PLD5: variants seen among roughly 807,000 people sequenced by gnomAD.
The protein encoded by PLD5 is inactive phospholipase D5.
In PLD5, 36 loss-of-function variants were observed where a neutral mutation model predicts 61.1. The observed-to-expected ratio is 0.59, with a 90% CI of 0.45 to 0.78. The LOEUF is 0.78. PLD5 is among the 30% of genes least tolerant of loss of function. The pLI is 0.00. For synonymous variants in PLD5, 243 were observed against 242.8 expected (o/e 1.00, Z -0.01); for missense variants, 515 against 644.4 (o/e 0.80, Z 2.17).
In PLD5 at chr1:242,524,156, A is replaced by G. The variant is rs889134698; in HGVS notation, c.121T>C (p.Tyr41His). ...TAGTCCTGCTGCTTGACGCTGCTGT[A>G]GAAGTTCGCGCCCACTCGGGTCAGG... is the stretch of plus-strand genomic sequence containing the variant. Reference protein sequence around the residue: ...PSLTRVGANFYSSVKQQDYSA... With the variant: ...PSLTRVGANFHSSVKQQDYSA... The change falls in exon 1 of 10, where the codon TAC (tyrosine) becomes CAC (histidine). Residue 41 changes from tyrosine to histidine, a missense_variant. Tyr to His is a moderately conservative substitution (Grantham distance 83, BLOSUM62 2). This residue lies in a region of PLD5 where 450 missense variants were observed against 598.1 expected (regional missense o/e 0.75). Transcript: ENST00000536534. 8 of 1,535,430 alleles carry G rather than the reference A, an allele frequency of 5.2e-6. No individual in the cohort carries two copies. The Admixed American group carries it at 1.6e-4, about 30-fold the overall frequency.
intron 1 of PLD5, among the ~76,000 whole-genome samples, chr1:242,366,632 T>G (rs997436696): frequency 9.9e-5 from 15 of 152,204 alleles, no homozygotes; most frequent in African/African-American, 3.6e-4. Context: ...TAATTGGTAA[T>G]TTATTGCCAT....
intron 4 of PLD5, among the ~76,000 whole-genome samples, chr1:242,224,547 C>T (rs4658772): frequency 6.6e-6 from 1 of 151,738 alleles, no homozygotes; most frequent in South Asian, 2.1e-4. Context: ...TTTATGAGAG[C>T]CGCTCGTCAA....
chr1:242,104,015 A>C (rs1660866169), intron 8 of PLD5, among the ~76,000 whole-genome samples: 1 of 152,242 alleles, frequency 6.6e-6, no homozygotes. Flanking sequence ...AAAATATCTT[A>C]ATGGCATGAA....
At chr1:242,414,713 C>T (rs7529276) in intron 1 of PLD5, among the ~76,000 whole-genome samples, 61,672 of 151,918 alleles carry the variant, frequency 0.41, 13,148 homozygotes, top group African/African-American at 0.54. Flanking sequence ...CACTTTATAA[C>T]GTGGGAGAAT....
intron 5 of PLD5, among the ~76,000 whole-genome samples, chr1:242,161,994 C>T (rs1665874187): frequency 6.6e-6 from 1 of 152,108 alleles, no homozygotes; most frequent in Admixed American, 6.5e-5. Flanking sequence ...ACACTGTAAT[C>T]CTCTGCATGT....
At chr1:242,328,337 C>T (rs769584808) in intron 2 of PLD5, among the ~76,000 whole-genome samples, 22 of 151,416 alleles carry the variant, frequency 1.5e-4, no homozygotes, top group South Asian at 4.2e-4. Flanking sequence ...GTTTTACATA[C>T]GTGTGTTCTA....
chr1:242,322,674 T>C (rs144211718), intron 2 of PLD5, among the ~76,000 whole-genome samples: 46 of 152,314 alleles, frequency 3.0e-4, no homozygotes, highest in African/African-American at 1.1e-3. Flanking sequence ...TCACAAGATC[T>C]GATAGTTTAA....
intron 1 of PLD5, among the ~76,000 whole-genome samples, chr1:242,426,630 A>G (rs889252815): frequency 2.0e-5 from 3 of 152,204 alleles, no homozygotes; most frequent in Non-Finnish European, 4.4e-5. Flanking sequence ...TGACCCAAAC[A>G]TTGTTATGTG....
intron 1 of PLD5, among the ~76,000 whole-genome samples, chr1:242,480,879 G>A (rs1667749476): frequency 6.6e-6 from 1 of 152,114 alleles, no homozygotes; most frequent in African/African-American, 2.4e-5. Context: ...GCAGAAAATA[G>A]AACTCTTCTC....
At chr1:242,137,373 T>G (rs1663818375) in intron 5 of PLD5, among the ~76,000 whole-genome samples, 1 of 152,178 alleles carries the variant, frequency 6.6e-6, no homozygotes, top group South Asian at 2.1e-4. Flanking sequence ...TCCTACTTTC[T>G]CTAATAAATC....
At chr1:242,127,454 GT>G (rs2148744359) in intron 5 of PLD5, among the ~76,000 whole-genome samples, 1 of 152,274 alleles carries the variant, frequency 6.6e-6, no homozygotes, top group South Asian at 2.1e-4. Context: ...ATATGCATAT[GT>G]TGGAATACTA....
chr1:242,257,202 C>T (rs536080900), intron 4 of PLD5, among the ~76,000 whole-genome samples: 1 of 152,236 alleles, frequency 6.6e-6, no homozygotes, highest in South Asian at 2.1e-4. Context: ...ATTCTTGACA[C>T]ATGAATGCTC....
intron 5 of PLD5, among the ~76,000 whole-genome samples, chr1:242,218,995 T>C (rs758285146): frequency 6.6e-6 from 1 of 152,192 alleles, no homozygotes; most frequent in Admixed American, 6.5e-5. Flanking sequence ...TTACCATAAA[T>C]GTAAGGTAAT....
At chr1:242,520,244 G>C (rs910532940) in intron 1 of PLD5, among the ~76,000 whole-genome samples, 1 of 152,140 alleles carries the variant, frequency 6.6e-6, no homozygotes, top group African/African-American at 2.4e-5. Flanking sequence ...TATCAGAATG[G>C]AGCTTCCATT....
chr1:242,114,653 G>T (rs1402971222), intron 6 of PLD5, among the ~76,000 whole-genome samples: 1 of 152,162 alleles, frequency 6.6e-6, no homozygotes, highest in African/African-American at 2.4e-5. Flanking sequence ...ACGAGTGGGG[G>T]CATTAGATTC....
intron 1 of PLD5, among the ~76,000 whole-genome samples, chr1:242,470,574 T>C (rs779443862): frequency 6.6e-6 from 1 of 152,138 alleles, no homozygotes; most frequent in Non-Finnish European, 1.5e-5. Flanking sequence ...TGTAATCAGC[T>C]ACTAGAGTCT....
intron 2 of PLD5, among the ~76,000 whole-genome samples, chr1:242,323,223 C>T (rs542554567): frequency 2.0e-5 from 3 of 152,120 alleles, no homozygotes; most frequent in South Asian, 2.1e-4. Context: ...AAACTCCAGG[C>T]GGCCGTTGCT....
rs549153018 is a variant in PLD5, at chr1:242,097,697, G to C, written c.1354+2971C>G. Among the ~76,000 whole-genome samples the C allele has an allele frequency of 3.3e-5, 5 of 152,248 alleles. No individual in the cohort carries two copies. The South Asian group carries it at 1.0e-3, about 31-fold the overall frequency. ...AAAATTTTCTCCCATTCTGTAGGTT[G>C]CCTATTCACTCTGATGGTAGTTTCT... On this transcript the variant is annotated intron_variant, in intron 9 of 9. Coordinates refer to ENST00000536534, the MANE Select transcript of PLD5 (RefSeq NM_001372062.1).
intron 1 of PLD5, among the ~76,000 whole-genome samples, chr1:242,433,363 G>A (rs760889451): frequency 1.1e-4 from 16 of 152,202 alleles, no homozygotes; most frequent in Non-Finnish European, 1.9e-4. Flanking sequence ...AGCCATTCCT[G>A]CCAGGCTTTT....
Sources: allele counts gnomAD v4.1 joint callset (sites outside exome capture counted in the v4.1 genomes callset), GRCh38; gene constraint gnomAD v4.1.1; regional missense constraint gnomAD v4.1.1; transcripts MANE v1.5; gene names NCBI Gene and HGNC (gene_info 2026-07-23, HGNC 2026-07-21).